The following PON3 variants were observed in gnomAD, a reference collection of about 807,000 sequenced individuals.
PON3 encodes the protein serum paraoxonase/lactonase 3.
Under a neutral mutation model 36.3 loss-of-function variants are expected in PON3, and 37 were observed. The observed-to-expected ratio is 1.02, with a 90% CI of 0.78 to 1.34. The LOEUF (loss-of-function observed/expected upper bound fraction) is 1.34, where lower values mean the gene tolerates loss of function less well. Among genes scored for constraint, PON3 ranks in the 40% most tolerant of loss-of-function variants. The pLI is 0.00. For missense variants in PON3, 415 were observed against 426.5 expected (o/e 0.97, Z 0.24); for synonymous variants, 155 against 154.8 (o/e 1.00, Z -0.01).
At chr7:95,386,720 C>G (rs62469564) in intron 3 of PON3, among the ~76,000 whole-genome samples, 20 of 152,064 alleles carry the variant, frequency 1.3e-4, no homozygotes, top group African/African-American at 4.6e-4. Context: ...AACATTGATG[C>G]GAAAATCCTC....
chr7:95,383,862 T>A (rs560391915), intron 3 of PON3, among the ~76,000 whole-genome samples: 78 of 152,326 alleles, frequency 5.1e-4, no homozygotes, highest in African/African-American at 1.8e-3. Context: ...ACTTTAAAGT[T>A]CATGTGGAAC....
At chr7:95,375,616 G>T (rs896491634) in intron 3 of PON3, among the ~76,000 whole-genome samples, 3 of 152,194 alleles carry the variant, frequency 2.0e-5, no homozygotes. Flanking sequence ...GTGGAGCATA[G>T]CCAGCTAGTG....
intron 5 of PON3, chr7:95,364,478 A>T (rs1808646629): frequency 4.0e-6 from 1 of 248,828 alleles, no homozygotes; most frequent in African/African-American, 2.3e-5. Flanking sequence ...TTGGCCAATG[A>T]AATGAAATGA....
At chr7:95,366,239 T>C (rs575675948) in intron 5 of PON3, among the ~76,000 whole-genome samples, 1 of 152,246 alleles carries the variant, frequency 6.6e-6, no homozygotes, top group Non-Finnish European at 1.5e-5. Flanking sequence ...AATCCACTAG[T>C]TAGGTAAGTC....
intron 3 of PON3, among the ~76,000 whole-genome samples, chr7:95,384,080 C>A (rs925131953): frequency 6.6e-6 from 1 of 152,044 alleles, no homozygotes; most frequent in Non-Finnish European, 1.5e-5. Flanking sequence ...CTTTGACAAA[C>A]CTGATAAAAA....
chr7:95,394,482 G>C lies in PON3; in HGVS notation c.145+162C>G, dbSNP rs145903596. On this transcript the variant is annotated intron_variant, in intron 2 of 8. Transcript: ENST00000265627. ...AAAAACCCACAAAGAATGTCATTTA[G>C]TACACCCCTGAAGACCTTGCATGGG... Among the ~76,000 whole-genome samples, 100 of 152,288 alleles carry C rather than the reference G, an allele frequency of 6.6e-4. No individual in the cohort carries two copies. Among genetic ancestry groups the C allele is most frequent in the Non-Finnish European group, 1.1e-3 (78 of 68,028 alleles).
chr7:95,379,124 G>C (rs1180305646), intron 3 of PON3, among the ~76,000 whole-genome samples: 1 of 148,712 alleles, frequency 6.7e-6, no homozygotes, highest in African/African-American at 2.5e-5. Flanking sequence ...TGATAAAACA[G>C]ATTTTAAACT....
rs764997002 is a variant in PON3 at position 95,367,468 on chromosome 7, C to T, written c.388G>A (p.Val130Ile). The T allele has an allele frequency of 9.9e-6, 16 of 1,613,044 alleles. No homozygotes were observed. The highest frequency in any genetic ancestry group is 1.3e-5 in the African/African-American group (1 of 74,844). ...GACTTCATGTGGGGATGATTCACAACATAAAGATACACAGTATTGTCTACA... is the reference window on the plus strand; with the variant it reads ...GACTTCATGTGGGGATGATTCACAATATAAAGATACACAGTATTGTCTACA... ...IDKDNTVYLYVVNHPHMKSTV... is the reference protein window; with the variant it reads ...IDKDNTVYLYIVNHPHMKSTV... Residue 130 changes from valine to isoleucine, a missense_variant, in exon 5 of 9, where the codon GTT (valine) becomes ATT (isoleucine). Physicochemically the swap from Val to Ile is conservative, Grantham distance 29. Coordinates refer to ENST00000265627, the MANE Select transcript of PON3 (RefSeq NM_000940.3).
chr7:95,394,080 A>G (rs1809377510), intron 2 of PON3, among the ~76,000 whole-genome samples: 1 of 151,968 alleles, frequency 6.6e-6, no homozygotes, highest in African/African-American at 2.4e-5. Context: ...TTATATTTTT[A>G]GTAGAGATGG....
intron 8 of PON3, among the ~76,000 whole-genome samples, chr7:95,360,867 G>T (rs1232951993): frequency 6.6e-6 from 1 of 151,910 alleles, no homozygotes; most frequent in African/African-American, 2.4e-5. Flanking sequence ...TTTATCTTAA[G>T]GGAGATCCTT....
chr7:95,385,397 A>C (rs1409689575), intron 3 of PON3, among the ~76,000 whole-genome samples: 1 of 152,180 alleles, frequency 6.6e-6, no homozygotes, highest in Non-Finnish European at 1.5e-5. Context: ...CATCCAATAC[A>C]GGAGCACCCA....
intron 5 of PON3, chr7:95,365,646 C>T (rs907894494): frequency 6.6e-6 from 1 of 152,202 alleles, no homozygotes; most frequent in African/African-American, 2.4e-5. Context: ...CAAAGAACCA[C>T]AAACTCAGTG....
At chr7:95,386,193 G>T (rs1226367527) in intron 3 of PON3, among the ~76,000 whole-genome samples, 1 of 152,152 alleles carries the variant, frequency 6.6e-6, no homozygotes, top group Non-Finnish European at 1.5e-5. Context: ...GAATGCAGGA[G>T]CTGCTCTTTT....
chr7:95,389,669 G>A (rs1217964851), intron 3 of PON3, among the ~76,000 whole-genome samples: 1 of 152,104 alleles, frequency 6.6e-6, no homozygotes, highest in East Asian at 1.9e-4. Context: ...GTTAAGAATG[G>A]CAGGGAACCC....
At chr7:95,395,171 C>A (rs1809402437) in intron 1 of PON3, among the ~76,000 whole-genome samples, 1 of 152,172 alleles carries the variant, frequency 6.6e-6, no homozygotes, top group Non-Finnish European at 1.5e-5. Context: ...CAAACTCTAT[C>A]ACTTTTGCTT....
rs267601646 is a variant in PON3 at position 95,360,024 on chromosome 7, C to T, written c.1014G>A (p.Gly338=). ...QGTSVASVYH[G]KILIGTVFHK... Reference sequence around the variant, plus strand: ...GAAATACGGTGCCTATGAGAATTTTCCCATGGTACACAGAAGCCACAGAGG... The same window carrying T: ...GAAATACGGTGCCTATGAGAATTTTTCCATGGTACACAGAAGCCACAGAGG... The change falls in exon 9 of 9, where the codon GGG becomes GGA. Residue 338 remains glycine, a synonymous_variant. Coordinates refer to ENST00000265627, the MANE Select transcript of PON3 (RefSeq NM_000940.3). The T allele has an allele frequency of 1.2e-6, 2 of 1,612,598 alleles. No homozygotes were observed. The highest frequency in any genetic ancestry group is 1.1e-5 in the South Asian group (1 of 91,016).
At chr7:95,395,924 G>A (rs1809422233) in intron 1 of PON3, 1 of 349,514 alleles carries the variant, frequency 2.9e-6, no homozygotes, top group East Asian at 7.1e-5. Context: ...TCCCAAGTCC[G>A]GCGTTTCCAA....
chr7:95,376,861 G>A (rs374003081), intron 3 of PON3, among the ~76,000 whole-genome samples: 65 of 152,294 alleles, frequency 4.3e-4, no homozygotes, highest in African/African-American at 1.3e-3. Context: ...CTGCATTTCC[G>A]ACTGAGGTAC....
intron 3 of PON3, among the ~76,000 whole-genome samples, chr7:95,373,248 C>G (rs1006243825): frequency 6.6e-6 from 1 of 152,168 alleles, no homozygotes; most frequent in African/African-American, 2.4e-5. Context: ...CTTTCTGCCT[C>G]TTTCCCTCTC....
Sources: allele counts gnomAD v4.1 joint callset (sites outside exome capture counted in the v4.1 genomes callset), GRCh38; gene constraint gnomAD v4.1.1; transcripts MANE v1.5; gene names NCBI Gene and HGNC (gene_info 2026-07-23, HGNC 2026-07-21).